TMEM131: variants seen among roughly 807,000 people sequenced by gnomAD.
TMEM131 encodes 2610524E03Rik.
A neutral mutation model predicts 211.6 loss-of-function variants in TMEM131; 66 were observed. The ratio of observed to expected loss-of-function variants is 0.31; its 90% CI spans 0.26 to 0.38. The LOEUF (loss-of-function observed/expected upper bound fraction) is 0.38, where lower values mean the gene tolerates loss of function less well. Ranked by LOEUF, TMEM131 falls within the 10% of genes least tolerant of loss-of-function variation. The pLI is 1.00. For synonymous variants in TMEM131, 844 were observed against 841.3 expected (o/e 1.00, Z -0.06); for missense variants, 2,036 against 2,299.3 (o/e 0.89, Z 2.34).
At chr2:97,968,568 G>A (rs542896610) in intron 1 of TMEM131, among the ~76,000 whole-genome samples, 2 of 152,262 alleles carry the variant, frequency 1.3e-5, no homozygotes, top group South Asian at 4.1e-4. Context: ...GAGGGGCAAT[G>A]TTCAGACAAA....
At chr2:97,820,842 T>C (rs1175953624) in intron 11 of TMEM131, among the ~76,000 whole-genome samples, 4 of 148,400 alleles carry the variant, frequency 2.7e-5, no homozygotes, top group South Asian at 4.3e-4. Context: ...GGCAACAGAG[T>C]GAGACTCCTT....
At chr2:97,827,267 G>A in intron 11 of TMEM131, 1 of 781,664 alleles carries the variant, frequency 1.3e-6, no homozygotes, top group Non-Finnish European at 2.4e-6. Flanking sequence ...AGGAAGGTCA[G>A]CTCCGCTGAA....
intron 11 of TMEM131, 125 bp downstream of exon 11, chr2:97,833,240 A>C (rs929457438): frequency 5.5e-6 from 3 of 550,202 alleles, no homozygotes; most frequent in Non-Finnish European, 9.6e-6. Context: ...ACTTAGAACC[A>C]AAGTGTCACC....
intron 4 of TMEM131, among the ~76,000 whole-genome samples, chr2:97,887,348 G>A (rs1399629433): frequency 2.6e-5 from 4 of 152,218 alleles, no homozygotes; most frequent in Non-Finnish European, 4.4e-5. Context: ...CTGGTCTGGA[G>A]GTGTGTCTGC....
intron 1 of TMEM131, among the ~76,000 whole-genome samples, chr2:97,975,751 C>T (rs1353708863): frequency 1.4e-5 from 2 of 147,786 alleles, no homozygotes; most frequent in African/African-American, 5.0e-5. Context: ...AGGAAAAACA[C>T]ATCTCAACTG....
At chr2:97,795,910 T>C (rs1680739050) in intron 28 of TMEM131, among the ~76,000 whole-genome samples, 1 of 152,222 alleles carries the variant, frequency 6.6e-6, no homozygotes, top group African/African-American at 2.4e-5. Context: ...CAACATCTTT[T>C]GCTTTAACGT....
chr2:97,802,026 G>T, intron 24 of TMEM131, 65 bp from the exon 25 acceptor site: 1 of 1,123,902 alleles, frequency 8.9e-7, no homozygotes, highest in Non-Finnish European at 1.3e-6. Context: ...GTTATGGAGT[G>T]ATTATCAGGT....
intron 3 of TMEM131, among the ~76,000 whole-genome samples, chr2:97,898,310 T>C (rs1675703427): frequency 6.6e-6 from 1 of 152,178 alleles, no homozygotes; most frequent in Admixed American, 6.6e-5. Context: ...TTTGGCTAAA[T>C]TCCAGAAAAC....
intron 2 of TMEM131, among the ~76,000 whole-genome samples, chr2:97,925,788 T>C (rs116712498): frequency 0.028 from 4,219 of 152,292 alleles, 63 homozygotes; most frequent in Middle Eastern, 0.065. Context: ...ACTGATTTCT[T>C]ATCAGTTGAT....
Position 97,796,265 on chromosome 2 carries a change from A to G in TMEM131, c.3153T>C (p.Cys1051=). 1 of 1,571,850 alleles carries G rather than the reference A, an allele frequency of 6.4e-7. No homozygotes were observed. The highest frequency in any genetic ancestry group is 8.6e-7 in the Non-Finnish European group (1 of 1,157,186). ...CATTGGCACTTAGAGTAAACTCTTG[A>G]CAATTAACAACTTTAAAGCCATATC... is the stretch of plus-strand genomic sequence containing the variant. ...CEGYGFKVVN[C]QEFTLSANAS... Residue 1051 remains cysteine (C), a synonymous_variant, in exon 28 of 41, where the codon TGT becomes TGC. Coordinates refer to ENST00000186436, the MANE Select transcript of TMEM131 (RefSeq NM_015348.2).
At chr2:97,831,884 C>T (rs1251314390) in intron 11 of TMEM131, among the ~76,000 whole-genome samples, 1 of 150,596 alleles carries the variant, frequency 6.6e-6, no homozygotes, top group Non-Finnish European at 1.5e-5. Context: ...CCAGTCTGGT[C>T]TTGAATTCCT....
In TMEM131 at chr2:97,908,660, T is replaced by C. The variant is rs917630424; in HGVS notation, c.288A>G (p.Lys96=). Residue 96 remains lysine (K), a splice_region_variant and synonymous_variant, in exon 3 of 41, where the codon AAA becomes AAG. Coordinates refer to ENST00000186436, the MANE Select transcript of TMEM131 (RefSeq NM_015348.2). ...TTLGLSSYQQ[K]SISLYRGNCR... ...ATTATCTTATTAAATATACTTACCT[T>C]TTCTGCTGATATGAACTGAGTCCAA... 2.5e-6 allele frequency: 4 copies of C among 1,604,048 alleles called. No homozygotes were observed. Among genetic ancestry groups the C allele is most frequent in the African/African-American group, 2.7e-5 (2 of 74,764 alleles).
At chr2:97,884,216 G>C (rs1052792804) in intron 4 of TMEM131, among the ~76,000 whole-genome samples, 2 of 151,988 alleles carry the variant, frequency 1.3e-5, no homozygotes, top group African/African-American at 2.4e-5. Flanking sequence ...TGATTTTCAC[G>C]TATTTGTAGT....
chr2:97,801,191 G>C (rs1329598824), intron 25 of TMEM131, among the ~76,000 whole-genome samples: 1 of 152,208 alleles, frequency 6.6e-6, no homozygotes, highest in Non-Finnish European at 1.5e-5. Context: ...AAGGCTTCTG[G>C]AATCAGAGAA....
At position 97,759,728 on chromosome 2, in the gene TMEM131, G is replaced by A; in HGVS notation, c.5130C>T (p.Val1710=). Residue 1710 remains valine, a synonymous_variant, in exon 39 of 41, where the codon GTC becomes GTT. Transcript: ENST00000186436. The stretch of plus-strand genomic sequence containing the variant: ...TGAAGTCAGGGCTGCTTGGGTTGCT[G>A]ACGGGACTCCACAAACCCGAGCTAA... ...GSDSSGLWSP[V]SNPSSPDFTP... 1 of 1,613,394 alleles carries A rather than the reference G, an allele frequency of 6.2e-7. No individual in the cohort carries two copies. Among genetic ancestry groups the A allele is most frequent in the Non-Finnish European group, 8.5e-7 (1 of 1,179,632 alleles).
chr2:97,872,809 G>A (rs141457308), intron 4 of TMEM131, among the ~76,000 whole-genome samples: 21 of 152,274 alleles, frequency 1.4e-4, no homozygotes, highest in South Asian at 1.2e-3. Flanking sequence ...AAAACTGGGC[G>A]GCCGTTTGGG....
intron 11 of TMEM131, among the ~76,000 whole-genome samples, chr2:97,827,721 T>A (rs1226341293): frequency 1.3e-5 from 2 of 152,056 alleles, no homozygotes; most frequent in Non-Finnish European, 2.9e-5. Context: ...TGCTTTTTTT[T>A]AAGAGGTGAA....
intron 2 of TMEM131, among the ~76,000 whole-genome samples, chr2:97,922,029 T>A (rs1573560545): frequency 6.6e-6 from 1 of 152,176 alleles, no homozygotes; most frequent in South Asian, 2.1e-4. Flanking sequence ...TCCCCAACAT[T>A]TCTGGCACCA....
At chr2:97,959,881 CA>C (rs574228097) in intron 1 of TMEM131, among the ~76,000 whole-genome samples, 2 of 152,250 alleles carry the variant, frequency 1.3e-5, no homozygotes, top group South Asian at 4.1e-4. Context: ...CAGTCCCCCT[CA>C]AAAGTTTTTG....
Sources: gnomAD v4.1 joint callset for allele counts (sites outside exome capture counted in the v4.1 genomes callset) on GRCh38, gnomAD v4.1.1 for gene constraint, MANE v1.5 for transcripts, NCBI Gene and HGNC (gene_info 2026-07-23, HGNC 2026-07-21) for gene names.